Variants in CCDC102B observed in about 807,000 individuals in gnomAD.
CCDC102B encodes coiled-coil domain-containing protein 102B.
Under a neutral mutation model 57.4 loss-of-function variants are expected in CCDC102B, and 75 were observed. The observed-to-expected ratio is 1.31, with a 90% CI of 1.08 to 1.58. CCDC102B has a LOEUF of 1.58. Ranked by LOEUF, CCDC102B falls within the 40% of genes most tolerant of loss-of-function variation. CCDC102B has a pLI of 0.00. For missense variants in CCDC102B, 636 were observed against 582.6 expected, an observed-to-expected ratio of 1.09 and a Z score of -0.94; for synonymous variants, 206 against 201.9, an observed-to-expected ratio of 1.02 and a Z score of -0.17.
Position 68,981,246 on chromosome 18 carries a change from G to C in CCDC102B, c.1264-29688G>C, listed in dbSNP as rs538914406. On this transcript the variant is annotated intron_variant, in intron 6 of 7. Coordinates refer to ENST00000360242, the MANE Select transcript of CCDC102B (RefSeq NM_024781.3). ...GCCAAATATAAAACACGCAGAGAAA[G>C]GGAAAGGAGAGGAAAGAGAGAAGAA... is the stretch of plus-strand genomic sequence containing the variant. 1.9e-4 allele frequency among the ~76,000 whole-genome samples: 29 copies of C among 152,080 alleles called. No individual in the cohort carries two copies. In the South Asian group the frequency reaches 3.5e-3, roughly 18 times the overall value.
chr18:68,730,684 A>T (rs1421151587), intron 2 of CCDC102B, among the ~76,000 whole-genome samples: 1 of 152,190 alleles, frequency 6.6e-6, no homozygotes, highest in African/African-American at 2.4e-5. Flanking sequence ...AAGTAGGCAA[A>T]TCCTACTGAT....
intron 2 of CCDC102B, among the ~76,000 whole-genome samples, chr18:68,719,510 T>A (rs2032208764): frequency 6.6e-6 from 1 of 152,172 alleles, no homozygotes; most frequent in Non-Finnish European, 1.5e-5. Flanking sequence ...AAAAGATGGA[T>A]GTCTCAGCTC....
chr18:68,900,356 C>A (rs1338317374), intron 6 of CCDC102B: 1 of 152,084 alleles, frequency 6.6e-6, no homozygotes, highest in Non-Finnish European at 1.5e-5. Context: ...ATTTCACAGA[C>A]AATAGTAAAT....
intron 6 of CCDC102B, among the ~76,000 whole-genome samples, chr18:68,990,607 G>T (rs1383989852): frequency 6.6e-6 from 1 of 152,084 alleles, no homozygotes; most frequent in Non-Finnish European, 1.5e-5. Flanking sequence ...ATTGTGCATT[G>T]TGACTTTTTA....
chr18:68,785,153 G>GA (rs1449667458), intron 2 of CCDC102B, among the ~76,000 whole-genome samples: 2 of 151,920 alleles, frequency 1.3e-5, no homozygotes, highest in Non-Finnish European at 2.9e-5. Context: ...CAAAGGACAT[G>GA]AACTCATCCT....
intron 7 of CCDC102B, among the ~76,000 whole-genome samples, chr18:69,037,945 A>G (rs1369757540): frequency 6.6e-6 from 1 of 152,032 alleles, no homozygotes; most frequent in African/African-American, 2.4e-5. Flanking sequence ...CACCTCAGGT[A>G]CTTTGCATTG....
At chr18:68,857,280 ATATATT>A (rs1231351884) in intron 4 of CCDC102B, among the ~76,000 whole-genome samples, 28,300 of 48,392 alleles carry the variant, frequency 0.58, 9,282 homozygotes, top group East Asian at 0.76. Flanking sequence ...TATATATAAT[ATATATT>A]TATATATTAT....
intron 1 of CCDC102B, among the ~76,000 whole-genome samples, chr18:68,832,791 C>T (rs2037202281): frequency 6.6e-6 from 1 of 151,836 alleles, no homozygotes. Flanking sequence ...GAGTGGGGAG[C>T]GTGCTCCTGC....
intron 7 of CCDC102B, among the ~76,000 whole-genome samples, chr18:69,036,315 T>C (rs1450164665): frequency 6.6e-6 from 1 of 152,096 alleles, no homozygotes; most frequent in Non-Finnish European, 1.5e-5. Flanking sequence ...ATCCTTGTTA[T>C]ATTATCCGTT....
chr18:68,765,712 G>A (rs1046626812), intron 2 of CCDC102B, among the ~76,000 whole-genome samples: 3 of 152,124 alleles, frequency 2.0e-5, no homozygotes, highest in Admixed American at 2.0e-4. Flanking sequence ...GCATCACGGT[G>A]ATTTGTGTAC....
intron 6 of CCDC102B, among the ~76,000 whole-genome samples, chr18:68,985,103 A>C (rs987351063): frequency 6.6e-6 from 1 of 152,188 alleles, no homozygotes; most frequent in African/African-American, 2.4e-5. Context: ...GTATACCTGT[A>C]ATCTCACATC....
intron 6 of CCDC102B, among the ~76,000 whole-genome samples, chr18:68,933,062 A>C (rs2041729409): frequency 6.6e-6 from 1 of 151,330 alleles, no homozygotes; most frequent in African/African-American, 2.4e-5. Flanking sequence ...CCTCTGCTCT[A>C]AACACTTAAA....
rs1312052942 is a variant in CCDC102B, at chr18:68,881,337, G to A, written c.1053+6552G>A. On this transcript the variant is annotated intron_variant, in intron 5 of 7. Transcript: ENST00000360242. ...TAGAGCTAATGTTTATGAATACTTTGTAGGTCTCATGTGCCTTGTAAGGAC... is the reference window on the plus strand; with the variant it reads ...TAGAGCTAATGTTTATGAATACTTTATAGGTCTCATGTGCCTTGTAAGGAC... Among the ~76,000 whole-genome samples, 5 of 152,316 alleles carry A rather than the reference G, an allele frequency of 3.3e-5. No homozygotes were observed. The East Asian group carries it at 7.7e-4, about 24-fold the overall frequency.
intron 6 of CCDC102B, among the ~76,000 whole-genome samples, chr18:68,972,354 T>C (rs1449295082): frequency 6.6e-6 from 1 of 152,180 alleles, no homozygotes; most frequent in Non-Finnish European, 1.5e-5. Flanking sequence ...TCAGCTGGTC[T>C]GCAGAAGGGG....
intron 6 of CCDC102B, among the ~76,000 whole-genome samples, chr18:68,956,513 ATC>A (rs1473453477): frequency 2.3e-5 from 1 of 42,812 alleles, no homozygotes. Context: ...TAATATATAT[ATC>A]GCATATTATA....
In CCDC102B at chr18:68,737,235, T is replaced by G. The variant is rs538592256; in HGVS notation, c.-67+20641T>G. 5.9e-5 allele frequency among the ~76,000 whole-genome samples: 9 copies of G among 152,244 alleles called. No individual in the cohort carries two copies. In the South Asian group the frequency reaches 1.7e-3, roughly 28 times the overall value. ...AAAACAAAGTATTCTTGACAGTCCC[T>G]GGGGACGCTCATGTACACTTGTTTC... On this transcript the variant is annotated intron_variant, in intron 2 of 3. Coordinates refer to the CCDC102B transcript ENST00000578970.
chr18:68,916,913 G>T (rs1254869388), intron 6 of CCDC102B, among the ~76,000 whole-genome samples: 1 of 152,214 alleles, frequency 6.6e-6, no homozygotes, highest in Non-Finnish European at 1.5e-5. Flanking sequence ...CAGGAGCCCT[G>T]TGTGGCTGGA....
chr18:68,838,782 A>G lies in CCDC102B; in HGVS notation c.683A>G (p.Asn228Ser). Residue 228 changes from asparagine to serine, a missense_variant, in exon 3 of 8, where the codon AAC (asparagine) becomes AGC (serine). By Grantham distance (46) the Asn-to-Ser change is conservative. Transcript: ENST00000360242. ...KPNLDGVDLFNNGGSGNGETK... is the reference protein window; with the variant it reads ...KPNLDGVDLFSNGGSGNGETK... ...AATCTAGATGGTGTTGATTTATTCA[A>G]CAATGGTGGTTCTGGAAACGGTGAA... 6.2e-7 allele frequency: 1 copy of G among 1,614,066 alleles called. No individual in the cohort carries two copies. The highest frequency in any genetic ancestry group is 8.5e-7 in the Non-Finnish European group (1 of 1,179,968).
chr18:68,861,351 A>G (rs947817786), intron 4 of CCDC102B, among the ~76,000 whole-genome samples: 1 of 151,668 alleles, frequency 6.6e-6, no homozygotes, highest in Non-Finnish European at 1.5e-5. Context: ...TGCATGACAT[A>G]TAAGTTTTGA....
Sources: gnomAD v4.1 joint callset for allele counts (sites outside exome capture counted in the v4.1 genomes callset) on GRCh38, gnomAD v4.1.1 for gene constraint, MANE v1.5 for transcripts, NCBI Gene and HGNC (gene_info 2026-07-23, HGNC 2026-07-21) for gene names.